The following PACSIN2 variants were observed in gnomAD, a reference collection of about 807,000 sequenced individuals.
PACSIN2 encodes protein kinase C and casein kinase substrate in neurons protein 2.
In PACSIN2, 25 loss-of-function variants were observed where a neutral mutation model predicts 63.8. That is an observed-to-expected ratio of 0.39 (90% CI 0.29 to 0.55). PACSIN2 has a LOEUF of 0.55. Among genes scored for constraint, PACSIN2 ranks in the 20% least tolerant of loss-of-function variants. The pLI is 0.62. For synonymous variants in PACSIN2, 255 were observed against 256.2 expected (o/e 1.00, Z 0.05); for missense variants, 518 against 646.9 (o/e 0.80, Z 2.16).
intron 1 of PACSIN2, among the ~76,000 whole-genome samples, chr22:43,010,208 G>A (rs1399356830): frequency 1.3e-5 from 2 of 151,342 alleles, no homozygotes; most frequent in East Asian, 3.9e-4. Context: ...GTCTAGTTCA[G>A]TGCCTAAAAT....
At chr22:42,999,231 C>T (rs1923606985) in intron 1 of PACSIN2, among the ~76,000 whole-genome samples, 1 of 152,238 alleles carries the variant, frequency 6.6e-6, no homozygotes, top group South Asian at 2.1e-4. Context: ...TGCTCACCTG[C>T]ATGCTCCCCC....
At chr22:42,998,414 G>A (rs1370698552) in intron 1 of PACSIN2, among the ~76,000 whole-genome samples, 4 of 152,086 alleles carry the variant, frequency 2.6e-5, no homozygotes, top group Non-Finnish European at 5.9e-5. Flanking sequence ...CGCATGACTC[G>A]CACAGATGCC....
At position 42,893,816 on chromosome 22, in the gene PACSIN2, A is replaced by G. The variant is rs115351044; in HGVS notation, c.61-203T>C. Among the ~76,000 whole-genome samples, 798 of 152,310 alleles carry G rather than the reference A, an allele frequency of 5.2e-3. 4 individuals carry two copies. The highest frequency in any genetic ancestry group is 0.018 in the African/African-American group (761 of 41,562). The stretch of plus-strand genomic sequence containing the variant: ...TATTATTAATAAGATCATACACATC[A>G]GTGAACGGGGGCTTCTCAATGTTCT... On this transcript the variant is annotated intron_variant, in intron 2 of 10. Coordinates refer to ENST00000263246, the MANE Select transcript of PACSIN2 (RefSeq NM_001184970.3).
chr22:42,984,469 C>T (rs554467770), intron 1 of PACSIN2, among the ~76,000 whole-genome samples: 1 of 152,148 alleles, frequency 6.6e-6, no homozygotes, highest in African/African-American at 2.4e-5. Context: ...TAGTAAAACA[C>T]TGGTCCCATC....
intron 1 of PACSIN2, among the ~76,000 whole-genome samples, chr22:42,944,935 T>G (rs1485550695): frequency 6.6e-6 from 1 of 151,998 alleles, no homozygotes; most frequent in African/African-American, 2.4e-5. Context: ...CTATGTCTAC[T>G]AAAAATACAA....
intron 1 of PACSIN2, among the ~76,000 whole-genome samples, chr22:42,946,341 G>A (rs1294828157): frequency 6.6e-6 from 1 of 152,182 alleles, no homozygotes; most frequent in Non-Finnish European, 1.5e-5. Context: ...GTCCCTGGGG[G>A]CAGGAGTGGA....
intron 2 of PACSIN2, among the ~76,000 whole-genome samples, chr22:42,897,675 A>C (rs1241341950): frequency 6.6e-6 from 1 of 152,206 alleles, no homozygotes; most frequent in Non-Finnish European, 1.5e-5. Flanking sequence ...TGGCAGACGG[A>C]GGGCCAAGCA....
chr22:42,952,036 T>C (rs1933716923), intron 1 of PACSIN2, among the ~76,000 whole-genome samples: 1 of 152,184 alleles, frequency 6.6e-6, no homozygotes, highest in African/African-American at 2.4e-5. Context: ...TAAGAAAGCC[T>C]TCCCCCAGCC....
chr22:42,945,377 CTCTCTTACG>C (rs1371036437), intron 1 of PACSIN2, among the ~76,000 whole-genome samples: 1 of 152,100 alleles, frequency 6.6e-6, no homozygotes, highest in Non-Finnish European at 1.5e-5. Context: ...CCCAGGCCCT[CTCTCTTACG>C]TCTTCTGTGC....
chr22:42,993,993 A>G (rs1429833014), intron 1 of PACSIN2, among the ~76,000 whole-genome samples: 3 of 152,204 alleles, frequency 2.0e-5, no homozygotes, highest in Non-Finnish European at 2.9e-5. Flanking sequence ...GACAAGTTCC[A>G]TAAGTCAACA....
At chr22:42,904,733 C>T (rs1209115308) in intron 2 of PACSIN2, among the ~76,000 whole-genome samples, 1 of 152,116 alleles carries the variant, frequency 6.6e-6, no homozygotes, top group East Asian at 1.9e-4. Context: ...CCATACTGCA[C>T]TCCAGTCTAC....
At chr22:43,005,484 G>A (rs76598936) in intron 1 of PACSIN2, among the ~76,000 whole-genome samples, 1,623 of 152,268 alleles carry the variant, frequency 0.011, 26 homozygotes, top group African/African-American at 0.037. Context: ...AGGTGGTGGG[G>A]AGAAAGACAG....
intron 1 of PACSIN2, among the ~76,000 whole-genome samples, chr22:42,961,632 G>A (rs529402172): frequency 6.6e-6 from 1 of 151,976 alleles, no homozygotes; most frequent in South Asian, 2.1e-4. Flanking sequence ...AATTGGCCAG[G>A]TGTAGTGGCA....
intron 6 of PACSIN2, 145 bp downstream of exon 6, chr22:42,884,241 C>CAA (rs2146652051): frequency 2.9e-6 from 2 of 691,372 alleles, no homozygotes; most frequent in South Asian, 3.8e-5. Context: ...ATCCAGATTA[C>CAA]AAAGAAGCAG....
At chr22:42,965,240 A>G (rs992268232) in intron 1 of PACSIN2, among the ~76,000 whole-genome samples, 1 of 152,184 alleles carries the variant, frequency 6.6e-6, no homozygotes, top group Non-Finnish European at 1.5e-5. Flanking sequence ...ACCAATCTAC[A>G]GTGACAGATT....
chr22:42,882,094 A>C (rs1929117524), intron 7 of PACSIN2, 90 bp downstream of exon 7: 5 of 1,436,322 alleles, frequency 3.5e-6, no homozygotes, highest in Middle Eastern at 1.7e-4. Context: ...ACTAACATAG[A>C]GTCTAGAATG....
intron 1 of PACSIN2, among the ~76,000 whole-genome samples, chr22:42,938,369 T>TTTCTGATG (rs1295539849): frequency 6.6e-6 from 1 of 152,240 alleles, no homozygotes; most frequent in Non-Finnish European, 1.5e-5. Flanking sequence ...GGGAAGCCCC[T>TTTCTGATG]GATGCAGAAA....
chr22:42,919,794 A>AAAAAAAAAAAG (rs1932060166), intron 1 of PACSIN2, among the ~76,000 whole-genome samples: 5 of 105,234 alleles, frequency 4.8e-5, no homozygotes, highest in African/African-American at 2.4e-4. Context: ...AAAAAAAAAA[A>AAAAAAAAAAAG]AAAGAAAGAA....
At chr22:42,995,181 A>G (rs575398413) in intron 1 of PACSIN2, among the ~76,000 whole-genome samples, 64 of 152,406 alleles carry the variant, frequency 4.2e-4, no homozygotes, top group African/African-American at 1.4e-3. Context: ...CTTCCTCTAT[A>G]AAGTGAGCTG....
Sources: gnomAD v4.1 joint callset for allele counts (sites outside exome capture counted in the v4.1 genomes callset) on GRCh38, gnomAD v4.1.1 for gene constraint, MANE v1.5 for transcripts, NCBI Gene and HGNC (gene_info 2026-07-23, HGNC 2026-07-21) for gene names.